PTPRD: variants seen among roughly 807,000 people sequenced by gnomAD.
The protein encoded by PTPRD is receptor-type tyrosine-protein phosphatase delta.
Under a neutral mutation model 214.5 loss-of-function variants are expected in PTPRD, and 34 were observed. The observed-to-expected ratio is 0.16, with a 90% CI of 0.12 to 0.21. The LOEUF (loss-of-function observed/expected upper bound fraction) is 0.21, where lower values mean the gene tolerates loss of function less well. Ranked by LOEUF, PTPRD falls within the 10% of genes least tolerant of loss-of-function variation. The probability of loss-of-function intolerance (pLI) is 1.00; values close to 1 mark genes in which losing one functional copy is unlikely to be tolerated. For synonymous variants in PTPRD, 1,128 were observed against 845.7 expected, an observed-to-expected ratio of 1.33 and a Z score of -5.79; for missense variants, 2,545 against 2,398.7, an observed-to-expected ratio of 1.06 and a Z score of -1.27.
In PTPRD at chr9:9,034,665, A is replaced by C. The variant is rs957954022; in HGVS notation, c.-142-15930T>G. Among the ~76,000 whole-genome samples the C allele has an allele frequency of 2.6e-5, 4 of 152,016 alleles. No homozygotes were observed. In the South Asian group the frequency reaches 6.2e-4, roughly 24 times the overall value. On this transcript the variant is annotated intron_variant, in intron 10 of 45. Transcript: ENST00000381196. ...TGGCTGCAGTGTAGTCAGACTGTGG[A>C]GTCAGATTCACCCGTGTTCACATCA...
intron 10 of PTPRD, among the ~76,000 whole-genome samples, chr9:9,149,159 T>A (rs1340415081): frequency 1.3e-5 from 2 of 152,142 alleles, no homozygotes; most frequent in African/African-American, 4.8e-5. Context: ...TATAAAATTA[T>A]CGCTCACCTC....
intron 9 of PTPRD, among the ~76,000 whole-genome samples, chr9:9,235,320 G>A (rs183267596): frequency 5.5e-4 from 83 of 152,256 alleles, no homozygotes; most frequent in African/African-American, 1.9e-3. Context: ...GATTCAAGAT[G>A]AGATTTGGGT....
At chr9:10,222,455 A>G (rs1404057058) in intron 3 of PTPRD, among the ~76,000 whole-genome samples, 4 of 152,090 alleles carry the variant, frequency 2.6e-5, no homozygotes, top group African/African-American at 9.6e-5. Context: ...CTATGTCTTT[A>G]TTGTCAGTTC....
At chr9:9,221,166 T>A (rs887008091) in intron 9 of PTPRD, among the ~76,000 whole-genome samples, 1 of 152,088 alleles carries the variant, frequency 6.6e-6, no homozygotes, top group African/African-American at 2.4e-5. Flanking sequence ...ATTTGCCTTG[T>A]TAACAGGAAT....
intron 9 of PTPRD, among the ~76,000 whole-genome samples, chr9:9,267,432 G>T (rs1056621227): frequency 2.0e-5 from 3 of 151,138 alleles, no homozygotes; most frequent in African/African-American, 7.3e-5. Context: ...TAAAAGAAAG[G>T]CCAAGACCTC....
chr9:8,933,351 T>TTTTTTTTTTTTTTTTTTTTTTTTTTTG (rs2098967583), intron 11 of PTPRD, among the ~76,000 whole-genome samples: 1 of 146,754 alleles, frequency 6.8e-6, no homozygotes, highest in African/African-American at 2.5e-5. Flanking sequence ...TTTTTTTTTT[T>TTTTTTTTTTTTTTTTTTTTTTTTTTTG]TTTTTTTTTT....
At chr9:8,823,983 T>C (rs1409464092) in intron 11 of PTPRD, among the ~76,000 whole-genome samples, 1 of 152,178 alleles carries the variant, frequency 6.6e-6, no homozygotes, top group Non-Finnish European at 1.5e-5. Context: ...TTGTATAGGG[T>C]AACTTCCTGA....
At chr9:8,755,303 A>T (rs2381897) in intron 11 of PTPRD, among the ~76,000 whole-genome samples, 6 of 151,464 alleles carry the variant, frequency 4.0e-5, no homozygotes, top group African/African-American at 1.5e-4. Flanking sequence ...GCCGAGGTGG[A>T]CGGATCACAT....
chr9:10,597,463 G>A (rs2076884055), intron 2 of PTPRD, among the ~76,000 whole-genome samples: 1 of 151,648 alleles, frequency 6.6e-6, no homozygotes, highest in African/African-American at 2.4e-5. Flanking sequence ...AAGATAAACT[G>A]GCATTTTCTT....
intron 11 of PTPRD, among the ~76,000 whole-genome samples, chr9:8,748,045 A>C (rs1235380682): frequency 6.6e-6 from 1 of 152,158 alleles, no homozygotes; most frequent in Non-Finnish European, 1.5e-5. Flanking sequence ...CTGCTAGCCC[A>C]TGCTCCGATG....
chr9:8,680,160 A>T (rs553499366), intron 12 of PTPRD, among the ~76,000 whole-genome samples: 1 of 152,210 alleles, frequency 6.6e-6, no homozygotes, highest in East Asian at 1.9e-4. Context: ...CTATTTAATT[A>T]ATCAAGAGAA....
intron 43 of PTPRD, among the ~76,000 whole-genome samples, chr9:8,338,314 C>G (rs1848972640): frequency 6.6e-6 from 1 of 152,046 alleles, no homozygotes; most frequent in African/African-American, 2.4e-5. Context: ...GAACCTTGGA[C>G]TCAACAATCC....
At chr9:10,069,321 T>C (rs2097947775) in intron 3 of PTPRD, among the ~76,000 whole-genome samples, 2 of 151,946 alleles carry the variant, frequency 1.3e-5, no homozygotes, top group Non-Finnish European at 2.9e-5. Context: ...TTGTTCCCTT[T>C]GTGATACTCC....
intron 10 of PTPRD, among the ~76,000 whole-genome samples, chr9:9,162,067 C>T (rs971568114): frequency 1.3e-5 from 2 of 152,058 alleles, no homozygotes; most frequent in Non-Finnish European, 2.9e-5. Flanking sequence ...TTTAGAAGAT[C>T]TTCAACTATT....
chr9:9,350,331 G>C (rs980267442), intron 9 of PTPRD, among the ~76,000 whole-genome samples: 3 of 152,030 alleles, frequency 2.0e-5, no homozygotes, highest in Non-Finnish European at 2.9e-5. Flanking sequence ...ATGTGATATG[G>C]ATTTCTGCAT....
chr9:8,769,686 G>A (rs1043444846), intron 11 of PTPRD, among the ~76,000 whole-genome samples: 10 of 151,750 alleles, frequency 6.6e-5, no homozygotes, highest in South Asian at 2.1e-4. Flanking sequence ...ATTGATGTCA[G>A]AAGGAAAGCA....
At chr9:9,623,122 G>A (rs901811555) in intron 7 of PTPRD, among the ~76,000 whole-genome samples, 4 of 152,154 alleles carry the variant, frequency 2.6e-5, no homozygotes, top group Non-Finnish European at 5.9e-5. Context: ...CATATATGTT[G>A]CCTTTCACAA....
intron 2 of PTPRD, among the ~76,000 whole-genome samples, chr9:10,581,057 G>C (rs1396667918): frequency 6.6e-6 from 1 of 152,048 alleles, no homozygotes; most frequent in Non-Finnish European, 1.5e-5. Flanking sequence ...GCCACTTCTC[G>C]GATGCGTAAC....
At chr9:8,329,556 T>G (rs1429890072) in intron 44 of PTPRD, among the ~76,000 whole-genome samples, 1 of 152,090 alleles carries the variant, frequency 6.6e-6, no homozygotes, top group African/African-American at 2.4e-5. Flanking sequence ...CTGGGAGAAA[T>G]GCTGCGCTCA....
Sources: allele counts gnomAD v4.1 joint callset (sites outside exome capture counted in the v4.1 genomes callset), GRCh38; gene constraint gnomAD v4.1.1; transcripts MANE v1.5; gene names NCBI Gene and HGNC (gene_info 2026-07-23, HGNC 2026-07-21).